UBR2: variants seen among roughly 807,000 people sequenced by gnomAD.
The protein encoded by UBR2 is ubiquitin protein ligase E3 component n-recognin 2, also known as E3 ubiquitin-protein ligase UBR2.
UBR2 carries 92 observed loss-of-function variants against 247.9 expected under a neutral mutation model. That is an observed-to-expected ratio of 0.37 (90% CI 0.31 to 0.44). The LOEUF (loss-of-function observed/expected upper bound fraction) is 0.44, where lower values mean the gene tolerates loss of function less well. UBR2 is among the 20% of genes least tolerant of loss of function. The probability of loss-of-function intolerance (pLI) is 1.00; values close to 1 mark genes in which losing one functional copy is unlikely to be tolerated. For missense variants in UBR2, 1,613 were observed against 2,112.6 expected, an observed-to-expected ratio of 0.76 and a Z score of 4.64; for synonymous variants, 672 against 693.5, an observed-to-expected ratio of 0.97 and a Z score of 0.49.
intron 8 of UBR2, among the ~76,000 whole-genome samples, chr6:42,614,414 ACG>A (rs1491225346): frequency 8.5e-5 from 5 of 58,988 alleles, no homozygotes; most frequent in African/African-American, 2.3e-4. Context: ...GTATGTATGT[ACG>A]TACGTACATA....
intron 2 of UBR2, among the ~76,000 whole-genome samples, chr6:42,590,776 G>A (rs1345853415): frequency 6.6e-6 from 1 of 152,204 alleles, no homozygotes; most frequent in Non-Finnish European, 1.5e-5. Context: ...CTCACAGGAA[G>A]TGATAAAGAA....
intron 2 of UBR2, among the ~76,000 whole-genome samples, chr6:42,583,068 C>T (rs577111439): frequency 6.6e-6 from 1 of 152,182 alleles, no homozygotes; most frequent in South Asian, 2.1e-4. Context: ...CTTCGTCAGA[C>T]TCATTTTGTG....
intron 2 of UBR2, among the ~76,000 whole-genome samples, chr6:42,580,896 T>C (rs368446910): frequency 6.6e-6 from 1 of 152,086 alleles, no homozygotes; most frequent in African/African-American, 2.4e-5. Context: ...ATTGTGAAGA[T>C]AGAGAACTTT....
At chr6:42,676,458 G>A (rs1798726860) in intron 39 of UBR2, among the ~76,000 whole-genome samples, 1 of 152,118 alleles carries the variant, frequency 6.6e-6, no homozygotes, top group African/African-American at 2.4e-5. Flanking sequence ...TTATGTTTTA[G>A]AATGCCAATT....
Position 42,692,082 on chromosome 6 carries a change from T to C in UBR2, c.*909T>C, listed in dbSNP as rs1011740150. On this transcript the variant is annotated 3_prime_UTR_variant, in exon 47 of 47. Coordinates refer to ENST00000372901, the MANE Select transcript of UBR2 (RefSeq NM_001363705.2). ...AGTTTCTTGAGCTTTTAAGGTAAGC[T>C]TCTTTTGGCTTTTTTTCAGATGTTC... is the stretch of plus-strand genomic sequence containing the variant. 6.6e-6 allele frequency: 1 copy of C among 152,140 alleles called. No individual in the cohort carries two copies. The highest frequency in any genetic ancestry group is 2.4e-5 in the African/African-American group (1 of 41,432). The allele number at this position is 152,140 out of a possible 1,614,324, so 9.4% of individuals were successfully genotyped here.
Position 42,641,650 on chromosome 6 carries a change from T to C in UBR2, c.1989T>C (p.His663=). Residue 663 remains histidine, a synonymous_variant, in exon 17 of 47, where the codon CAT becomes CAC. Coordinates refer to ENST00000372901, the MANE Select transcript of UBR2 (RefSeq NM_001363705.2). ...GTCTTGTTCTGTGTGCCCAAGTACA[T>C]GCCGGAATGTGGAGAAGAAATGGGT... ...LRCLVLCAQV[H]AGMWRRNGFS... is the part of the protein sequence containing the mutation. 6.2e-7 allele frequency: 1 copy of C among 1,609,438 alleles called. No individual in the cohort carries two copies. The highest frequency in any genetic ancestry group is 1.1e-5 in the South Asian group (1 of 90,150).
Position 42,616,334 on chromosome 6 carries a change from A to G in UBR2, c.1182+244A>G, listed in dbSNP as rs1794549233. On this transcript the variant is annotated intron_variant, in intron 10 of 46. Coordinates refer to ENST00000372901, the MANE Select transcript of UBR2 (RefSeq NM_001363705.2). ...TTATACAATGTTTATGAAATAATAA[A>G]TGAAGAGTTTAAACCTATGCCATTG... Among the ~76,000 whole-genome samples, 5 of 152,110 alleles carry G rather than the reference A, an allele frequency of 3.3e-5. No individual in the cohort carries two copies. The South Asian group carries it at 1.0e-3, about 31-fold the overall frequency.
At chr6:42,623,092 G>T (rs147116286) in intron 11 of UBR2, among the ~76,000 whole-genome samples, 15 of 152,066 alleles carry the variant, frequency 9.9e-5, no homozygotes, top group African/African-American at 3.4e-4. Context: ...TATTATACTG[G>T]CTGGGACCTC....
intron 14 of UBR2, among the ~76,000 whole-genome samples, 186 bp from the exon 15 acceptor site, chr6:42,636,825 A>G (rs777972689): frequency 1.3e-5 from 2 of 152,138 alleles, no homozygotes; most frequent in African/African-American, 2.4e-5. Flanking sequence ...TCTGCACTAT[A>G]TGAGTAAATG....
In UBR2 at chr6:42,641,638, T is replaced by G; in HGVS notation, c.1977T>G (p.Cys659Trp). The change falls in exon 17 of 47, where the codon TGT becomes TGG. Residue 659 changes from cysteine to tryptophan, a missense_variant. Physicochemically the swap from Cys to Trp is radical, Grantham distance 215. Transcript: ENST00000372901. ...ACCCTCTTAGATGTCTTGTTCTGTG[T>G]GCCCAAGTACATGCCGGAATGTGGA... The part of the protein sequence containing the change: ...IEHPLRCLVL[C>W]AQVHAGMWRR... 1 of 1,608,466 alleles carries G rather than the reference T, an allele frequency of 6.2e-7. No individual in the cohort carries two copies. The highest frequency in any genetic ancestry group is 8.5e-7 in the Non-Finnish European group (1 of 1,178,046).
At chr6:42,645,621 A>G (rs2151961564) in intron 21 of UBR2, 31 bp downstream of exon 21, 3 of 1,605,386 alleles carry the variant, frequency 1.9e-6, no homozygotes, top group Non-Finnish European at 2.5e-6. Flanking sequence ...AAAGAAAACC[A>G]TAGAAACTTT....
chr6:42,654,828 A>G (rs1797343820), intron 25 of UBR2, among the ~76,000 whole-genome samples: 1 of 152,248 alleles, frequency 6.6e-6, no homozygotes, highest in African/African-American at 2.4e-5. Flanking sequence ...ACACTGAAGA[A>G]CTATAAAGTT....
intron 9 of UBR2, 29 bp from the exon 10 acceptor site, chr6:42,615,973 T>C: frequency 6.8e-7 from 1 of 1,472,872 alleles, no homozygotes; most frequent in Non-Finnish European, 9.1e-7. Context: ...GGCGTGTCCT[T>C]ATCTTATACC....
At chr6:42,621,545 C>T (rs1010293457) in intron 11 of UBR2, among the ~76,000 whole-genome samples, 1 of 151,698 alleles carries the variant, frequency 6.6e-6, no homozygotes, top group African/African-American at 2.4e-5. Flanking sequence ...TCACTGCAAC[C>T]TCCGCCTCCC....
chr6:42,614,993 C>CA, intron 8 of UBR2, 78 bp from the exon 9 acceptor site: 1 of 1,184,174 alleles, frequency 8.4e-7, no homozygotes, highest in Non-Finnish European at 1.2e-6. Context: ...TCTACAGATC[C>CA]ATTTGAACAT....
chr6:42,639,405 C>T (rs1582615395), intron 15 of UBR2, among the ~76,000 whole-genome samples: 1 of 152,128 alleles, frequency 6.6e-6, no homozygotes, highest in Non-Finnish European at 1.5e-5. Flanking sequence ...CCAGCCTGGC[C>T]AACATGGCAA....
chr6:42,659,368 G>A lies in UBR2; in HGVS notation c.3243-288G>A, dbSNP rs1043179150. Among the ~76,000 whole-genome samples the A allele has an allele frequency of 6.6e-6, 1 of 151,868 alleles. No individual in the cohort carries two copies. The highest frequency in any genetic ancestry group is 2.4e-5 in the African/African-American group (1 of 41,316). On this transcript the variant is annotated intron_variant, in intron 29 of 46. Transcript: ENST00000372901. The surrounding 1 kb of genome is among the most constrained non-coding windows in gnomAD (Gnocchi z 4.3). ...AAAAAAAAATTAGCCGGGTGTGGTG[G>A]TGCATGCCTATAATCCCAGCTACTC...
intron 1 of UBR2, among the ~76,000 whole-genome samples, chr6:42,566,492 C>T (rs527685843): frequency 1.3e-5 from 2 of 152,302 alleles, no homozygotes; most frequent in South Asian, 4.1e-4. Context: ...TCAAGTGATT[C>T]TCCTGCCTCA....
intron 7 of UBR2, among the ~76,000 whole-genome samples, chr6:42,611,631 C>A (rs191607606): frequency 6.6e-6 from 1 of 152,134 alleles, no homozygotes; most frequent in South Asian, 2.1e-4. Flanking sequence ...ACTGGTCAGG[C>A]GCAGTGGCTC....
Sources: gnomAD v4.1 joint callset for allele counts (sites outside exome capture counted in the v4.1 genomes callset) on GRCh38, gnomAD v4.1.1 for gene constraint, Gnocchi (gnomAD v3.1) non-coding constraint, MANE v1.5 for transcripts, NCBI Gene and HGNC (gene_info 2026-07-23, HGNC 2026-07-21) for gene names.